DLG2: variants seen among roughly 807,000 people sequenced by gnomAD.
DLG2 encodes the protein disks large homolog 2.
Under a neutral mutation model 132.5 loss-of-function variants are expected in DLG2, and 45 were observed. The ratio of observed to expected loss-of-function variants is 0.34; its 90% CI spans 0.27 to 0.44. The LOEUF (loss-of-function observed/expected upper bound fraction) is 0.44, where lower values mean the gene tolerates loss of function less well. DLG2 is among the 20% of genes least tolerant of loss of function. The pLI is 1.00. For missense variants in DLG2, 1,045 were observed against 1,196.9 expected, an observed-to-expected ratio of 0.87 and a Z score of 1.87; for synonymous variants, 424 against 419.6, an observed-to-expected ratio of 1.01 and a Z score of -0.13.
intron 18 of DLG2, among the ~76,000 whole-genome samples, chr11:83,636,537 G>T (rs947898004): frequency 6.6e-6 from 1 of 151,892 alleles, no homozygotes; most frequent in Non-Finnish European, 1.5e-5. Context: ...CTTTATTTCC[G>T]TCAAATAACT....
At chr11:83,904,135 A>G (rs61901821) in intron 15 of DLG2, among the ~76,000 whole-genome samples, 1 of 152,192 alleles carries the variant, frequency 6.6e-6, no homozygotes, top group African/African-American at 2.4e-5. Context: ...CTCCTATGTG[A>G]CTAAAGGGTG....
chr11:84,034,740 T>A (rs2095814510), intron 11 of DLG2, among the ~76,000 whole-genome samples: 1 of 152,114 alleles, frequency 6.6e-6, no homozygotes, highest in African/African-American at 2.4e-5. Context: ...AGCAAGAGAA[T>A]CAGGGGACTG....
intron 7 of DLG2, among the ~76,000 whole-genome samples, chr11:84,525,802 C>T (rs1028957563): frequency 6.6e-6 from 1 of 152,178 alleles, no homozygotes; most frequent in Non-Finnish European, 1.5e-5. Context: ...CCACTCTATG[C>T]CCCTTTCCTT....
chr11:85,038,762 T>C (rs2061613492), intron 6 of DLG2, among the ~76,000 whole-genome samples: 1 of 152,030 alleles, frequency 6.6e-6, no homozygotes. Context: ...TCCAATAAGT[T>C]CCAGGTTGAA....
At chr11:84,089,409 C>T (rs946237304) in intron 10 of DLG2, among the ~76,000 whole-genome samples, 1 of 152,120 alleles carries the variant, frequency 6.6e-6, no homozygotes. Context: ...TTTTCCTCCC[C>T]TCCCCTTCTG....
chr11:84,351,807 T>C (rs2098575116), intron 7 of DLG2, among the ~76,000 whole-genome samples: 2 of 152,300 alleles, frequency 1.3e-5, no homozygotes, highest in African/African-American at 4.8e-5. Flanking sequence ...GAAACACTAA[T>C]TAGAACAGAC....
At position 83,637,715 on chromosome 11, in the gene DLG2, G is replaced by T. The variant is rs540946667; in HGVS notation, c.1826-4390C>A. Among the ~76,000 whole-genome samples, 145 of 152,230 alleles carry T rather than the reference G, an allele frequency of 9.5e-4. 1 individual carries two copies. Among genetic ancestry groups the T allele is most frequent in the Admixed American group, 9.4e-3 (144 of 15,282 alleles). On this transcript the variant is annotated intron_variant, in intron 18 of 27. Coordinates refer to ENST00000376104, the MANE Select transcript of DLG2 (RefSeq NM_001142699.3). ...TCCACCCTTCCCCTCTTGACATCTT[G>T]CTCTTCTTCCCTTCATCTATTGTGT...
At chr11:84,931,598 A>G (rs919586404) in intron 6 of DLG2, among the ~76,000 whole-genome samples, 1 of 152,190 alleles carries the variant, frequency 6.6e-6, no homozygotes, top group Non-Finnish European at 1.5e-5. Flanking sequence ...TTATAATAAA[A>G]TGATTTATAT....
At chr11:84,387,670 A>T (rs1447077615) in intron 7 of DLG2, among the ~76,000 whole-genome samples, 2 of 152,152 alleles carry the variant, frequency 1.3e-5, no homozygotes, top group Non-Finnish European at 2.9e-5. Context: ...TTAGAGTTAC[A>T]TTTATCAATC....
intron 19 of DLG2, among the ~76,000 whole-genome samples, chr11:83,546,088 C>A (rs767537863): frequency 3.3e-5 from 5 of 152,062 alleles, no homozygotes; most frequent in African/African-American, 1.2e-4. Flanking sequence ...TCCCTCCTAC[C>A]CCTCCTGAAT....
At chr11:85,346,224 G>T (rs917536121) in intron 3 of DLG2, among the ~76,000 whole-genome samples, 2 of 149,482 alleles carry the variant, frequency 1.3e-5, no homozygotes, top group African/African-American at 5.0e-5. Context: ...GTCTCGTTCT[G>T]TTGCCCAGGC....
rs531167434 is a variant in DLG2 at position 84,810,813 on chromosome 11, T to C, written c.358-276082A>G. On this transcript the variant is annotated intron_variant, in intron 6 of 27. Coordinates refer to ENST00000376104, the MANE Select transcript of DLG2 (RefSeq NM_001142699.3). ...TCTTAAATGAAATTCCAAAATATTATGCTGAGTTAAAAAAAATCTCAAATG... is the reference window on the plus strand; with the variant it reads ...TCTTAAATGAAATTCCAAAATATTACGCTGAGTTAAAAAAAATCTCAAATG... Among the ~76,000 whole-genome samples the C allele has an allele frequency of 9.9e-5, 15 of 152,246 alleles. No homozygotes were observed. The South Asian group carries it at 2.9e-3, about 29-fold the overall frequency.
At chr11:83,982,908 C>T (rs1396834480) in intron 11 of DLG2, among the ~76,000 whole-genome samples, 1 of 152,100 alleles carries the variant, frequency 6.6e-6, no homozygotes, top group Non-Finnish European at 1.5e-5. Context: ...CAATTGCCTA[C>T]AGTACGCAGT....
At chr11:84,852,103 G>A (rs1375443860) in intron 6 of DLG2, among the ~76,000 whole-genome samples, 1 of 152,008 alleles carries the variant, frequency 6.6e-6, no homozygotes, top group Non-Finnish European at 1.5e-5. Flanking sequence ...ATCAATGGGT[G>A]AGCCTACCTG....
At position 85,357,238 on chromosome 11, in the gene DLG2, T is replaced by TTGTGTGTGTG. The variant is rs71036472; in HGVS notation, c.41-71883_41-71874dup. ...TATCAGATTCCTTTCAATATCCTCT[T>TTGTGTGTGTG]TGTGTGTGTGTGTGTGTGTGTGTGT... On this transcript the variant is annotated intron_variant, in intron 3 of 27. Transcript: ENST00000376104. Among the ~76,000 whole-genome samples the TTGTGTGTGTG allele has an allele frequency of 7.3e-3, 865 of 118,180 alleles. 4 individuals carry two copies. Among genetic ancestry groups the TTGTGTGTGTG allele is most frequent in the Non-Finnish European group, 0.01 (572 of 57,014 alleles). 77.5% of individuals were successfully genotyped at this position (118,180 alleles called of 152,430 possible).
chr11:83,942,743 T>C (rs557519926), intron 14 of DLG2, among the ~76,000 whole-genome samples: 1 of 152,366 alleles, frequency 6.6e-6, no homozygotes, highest in East Asian at 1.9e-4. Flanking sequence ...AATTAATTTT[T>C]TAAAAATATT....
intron 4 of DLG2, among the ~76,000 whole-genome samples, chr11:85,239,441 T>G (rs777676200): frequency 1.3e-5 from 2 of 152,196 alleles, no homozygotes; most frequent in Admixed American, 6.6e-5. Context: ...CTACATATAC[T>G]TTATTCATTC....
At chr11:83,964,171 T>C (rs559819062) in intron 13 of DLG2, among the ~76,000 whole-genome samples, 1 of 152,064 alleles carries the variant, frequency 6.6e-6, no homozygotes, top group African/African-American at 2.4e-5. Flanking sequence ...AGTCGTTTTC[T>C]CCCTTTTCTG....
chr11:85,429,258 C>T (rs905452425), intron 3 of DLG2, among the ~76,000 whole-genome samples: 20 of 152,170 alleles, frequency 1.3e-4, no homozygotes, highest in African/African-American at 4.8e-4. Flanking sequence ...AGAGGGAATC[C>T]TCCCTAACTC....
Sources: allele counts gnomAD v4.1 joint callset (sites outside exome capture counted in the v4.1 genomes callset), GRCh38; gene constraint gnomAD v4.1.1; transcripts MANE v1.5; gene names NCBI Gene and HGNC (gene_info 2026-07-23, HGNC 2026-07-21).